CES4A: variants seen among roughly 807,000 people sequenced by gnomAD.
CES4A encodes carboxylesterase 6.
In CES4A, 48 loss-of-function variants were observed where a neutral mutation model predicts 65.4. That is an observed-to-expected ratio of 0.73 (90% CI 0.58 to 0.93). CES4A has a LOEUF of 0.93. Among genes scored for constraint, CES4A ranks in the 40% least tolerant of loss-of-function variants. The probability of loss-of-function intolerance (pLI) is 0.00; values close to 1 mark genes in which losing one functional copy is unlikely to be tolerated. For missense variants in CES4A, 685 were observed against 728.5 expected (o/e 0.94, Z 0.69); for synonymous variants, 247 against 281.8 (o/e 0.88, Z 1.24).
intron 2 of CES4A, among the ~76,000 whole-genome samples, chr16:66,998,738 G>A (rs2145613503): frequency 6.6e-6 from 1 of 152,274 alleles, no homozygotes; most frequent in Admixed American, 6.5e-5. Flanking sequence ...GTCGTGGCAT[G>A]TGCCTCAGGA....
At chr16:67,009,287 A>G in exon 14 of CES4A, 1 of 764,372 alleles carries the variant, frequency 1.3e-6, no homozygotes, top group South Asian at 1.9e-5. Flanking sequence ...TCCAGGCCAA[A>G]GCTAGAGCTT....
intron 2 of CES4A, among the ~76,000 whole-genome samples, chr16:66,998,190 G>T (rs1373367403): frequency 3.9e-5 from 6 of 152,090 alleles, no homozygotes; most frequent in African/African-American, 1.4e-4. Context: ...CGAGGACTGG[G>T]CACTCTCATG....
chr16:66,994,819 A>G (rs1242933117), intron 1 of CES4A, among the ~76,000 whole-genome samples: 1 of 148,568 alleles, frequency 6.7e-6, no homozygotes, highest in Non-Finnish European at 1.5e-5. Context: ...AGCCTGGGCA[A>G]AAACAGCGAA....
Position 67,001,503 on chromosome 16 carries a change from C to T in CES4A, c.690+42C>T, listed in dbSNP as rs776764413. 3.6e-5 allele frequency: 55 copies of T among 1,544,358 alleles called. 1 individual carries two copies. The South Asian group carries it at 6.6e-4, about 19-fold the overall frequency. ...GACGGACCGAGCACAGACTTAGGCT[C>T]CTGCGTTCCCACAAATGTATGCTCC... is the stretch of plus-strand genomic sequence containing the variant. On this transcript the variant is annotated intron_variant, in intron 5 of 13. Transcript: ENST00000648724. The surrounding 1 kb of genome is among the most constrained non-coding windows in gnomAD (Gnocchi z 4.1).
At chr16:67,006,686 G>A in intron 12 of CES4A, 59 bp from the exon 13 acceptor site, 1 of 1,560,750 alleles carries the variant, frequency 6.4e-7, no homozygotes, top group Non-Finnish European at 8.8e-7. Context: ...AGCAGGAGTA[G>A]GGTGGGAGGT....
chr16:67,003,443 C>T lies in CES4A; in HGVS notation c.901-72C>T. The T allele has an allele frequency of 6.3e-7, 1 of 1,587,266 alleles. No individual in the cohort carries two copies. The highest frequency in any genetic ancestry group is 2.2e-5 in the East Asian group (1 of 44,732). ...GGTACCCAGCCACCCCCAACTACTT[C>T]CCCAGGGACCCTGTCTCAAGAGCAC... is the stretch of plus-strand genomic sequence containing the variant. On this transcript the variant is annotated intron_variant, in intron 7 of 13. Transcript: ENST00000648724. This position sits in a 1 kb window ranked among gnomAD's most constrained non-coding sequence, Gnocchi z 4.2.
exon 1 of CES4A, chr16:66,988,715 A>G: frequency 6.4e-7 from 1 of 1,551,100 alleles, no homozygotes; most frequent in Non-Finnish European, 8.7e-7. Context: ...TGCCATCCAC[A>G]GTGTTGCCAT....
In CES4A at chr16:67,000,537, A is replaced by G; in HGVS notation, c.261-101A>G. 1 of 1,470,996 alleles carries G rather than the reference A, an allele frequency of 6.8e-7. No individual in the cohort carries two copies. Among genetic ancestry groups the G allele is most frequent in the Non-Finnish European group, 9.0e-7 (1 of 1,106,558 alleles). The allele number at this position is 1,470,996 out of a possible 1,614,324, so 91.1% of individuals were successfully genotyped here. A position where few individuals can be genotyped will look rare whatever the true frequency, so the allele number is the denominator to read the frequency against. On this transcript the variant is annotated intron_variant, in intron 2 of 13. Coordinates refer to ENST00000648724, the Ensembl canonical transcript of CES4A. This position sits in a 1 kb window ranked among gnomAD's most constrained non-coding sequence, Gnocchi z 4.2. ...CACATGCGCACGCACACGCACGCGC[A>G]CAGACGCTGCCTGGATTTTGCTTTG...
At position 67,000,615 on chromosome 16, in the gene CES4A, C is replaced by T; in HGVS notation, c.261-23C>T. 2 of 1,530,814 alleles carry T rather than the reference C, an allele frequency of 1.3e-6. No homozygotes were observed. The highest frequency in any genetic ancestry group is 4.6e-4 in the Middle Eastern group (2 of 4,302). The allele number at this position is 1,530,814 out of a possible 1,614,324, so 94.8% of individuals were successfully genotyped here. ...GATTGAAACGATCTCCCCGCGGCCG[C>T]CGCCGCTACCTGGTGCCCGCAGGTG... On this transcript the variant is annotated intron_variant, in intron 2 of 13. Coordinates refer to ENST00000648724, the Ensembl canonical transcript of CES4A. The surrounding 1 kb of genome is among the most constrained non-coding windows in gnomAD (Gnocchi z 4.2).
intron 2 of CES4A, among the ~76,000 whole-genome samples, chr16:66,997,858 G>A (rs1445779193): frequency 6.6e-6 from 1 of 151,824 alleles, no homozygotes; most frequent in African/African-American, 2.4e-5. Flanking sequence ...AGCTACTTGG[G>A]AGGCTGAAGT....
At chr16:67,007,617 C>CTT in intron 13 of CES4A, 1 of 144,784 alleles carries the variant, frequency 6.9e-6, no homozygotes, top group Non-Finnish European at 1.5e-5. Flanking sequence ...CTTTCTTCTT[C>CTT]TTTTTTTTTT....
At chr16:66,998,447 G>A (rs1445915230) in intron 2 of CES4A, among the ~76,000 whole-genome samples, 2 of 152,110 alleles carry the variant, frequency 1.3e-5, no homozygotes, top group East Asian at 1.9e-4. Flanking sequence ...AAAATTATCC[G>A]GTGTGATGGT....
At chr16:67,004,840 C>T (rs1444480683) in exon 10 of CES4A, 1 of 1,535,992 alleles carries the variant, frequency 6.5e-7, no homozygotes, top group South Asian at 1.2e-5. Context: ...AGGAAACCAT[C>T]ACTAAGATGC....
At chr16:67,010,065 G>GTTTT (rs559214962), downstream of CES4A, among the ~76,000 whole-genome samples, 1 of 136,970 alleles carries the variant, frequency 7.3e-6, no homozygotes, top group Non-Finnish European at 1.6e-5. Context: ...GTTTTGTGGG[G>GTTTT]TTTTTTTTTT....
At chr16:67,006,232 C>G in intron 11 of CES4A, 159 bp from the exon 12 acceptor site, 1 of 675,456 alleles carries the variant, frequency 1.5e-6, no homozygotes, top group Non-Finnish European at 2.5e-6. Context: ...TTAGGTCACA[C>G]AGTGAATGAG....
chr16:67,000,516 T>TGCGC lies in CES4A; in HGVS notation c.261-121_261-118dup. 6.9e-7 allele frequency: 1 copy of TGCGC among 1,450,268 alleles called. No individual in the cohort carries two copies. The highest frequency in any genetic ancestry group is 9.1e-7 in the Non-Finnish European group (1 of 1,099,802). 89.8% of individuals were successfully genotyped at this position (1,450,268 alleles called of 1,614,324 possible). On this transcript the variant is annotated intron_variant, in intron 2 of 13. Coordinates refer to ENST00000648724, the Ensembl canonical transcript of CES4A. The surrounding 1 kb of genome is among the most constrained non-coding windows in gnomAD (Gnocchi z 4.2). ...TCCTGTACACGCACACGCACGCACA[T>TGCGC]GCGCACGCACACGCACGCGCACAGA...
intron 1 of CES4A, among the ~76,000 whole-genome samples, chr16:66,995,078 A>G (rs982214187): frequency 7.2e-5 from 11 of 151,744 alleles, no homozygotes; most frequent in Non-Finnish European, 1.3e-4. Flanking sequence ...TTGGGAGGCC[A>G]AGGCGGGCAG....
At chr16:66,989,035 G>A (rs1030007236) in intron 1 of CES4A, among the ~76,000 whole-genome samples, 35 of 152,264 alleles carry the variant, frequency 2.3e-4, no homozygotes, top group African/African-American at 8.4e-4. Context: ...GAACCTCAGG[G>A]CTTCTCTGTA....
chr16:66,988,920 G>C, intron 1 of CES4A, 90 bp downstream of exon 1: 3 of 1,430,722 alleles, frequency 2.1e-6, no homozygotes, highest in Non-Finnish European at 2.8e-6. Flanking sequence ...CCTGGGGACA[G>C]CAGGGCAGGA....
Sources: gnomAD v4.1 joint callset for allele counts (sites outside exome capture counted in the v4.1 genomes callset) on GRCh38, gnomAD v4.1.1 for gene constraint, Gnocchi (gnomAD v3.1) non-coding constraint, MANE v1.5 for transcripts, NCBI Gene and HGNC (gene_info 2026-07-23, HGNC 2026-07-21) for gene names.